PATZ1: variants seen among roughly 807,000 people sequenced by gnomAD.
PATZ1 encodes the protein POZ/BTB and AT hook containing zinc finger 1.
In PATZ1, 9 loss-of-function variants were observed where a neutral mutation model predicts 46.2. The ratio of observed to expected loss-of-function variants is 0.19; its 90% confidence interval spans 0.12 to 0.34. The LOEUF is 0.34. Among genes scored for constraint, PATZ1 ranks in the 10% least tolerant of loss-of-function variants. PATZ1 has a pLI of 1.00. For missense variants in PATZ1, 632 were observed against 923.0 expected (o/e 0.68, Z 4.08); for synonymous variants, 426 against 378.6 (o/e 1.13, Z -1.45).
intron 2 of PATZ1, chr22:31,341,543 T>A (rs1272989486): frequency 1.2e-6 from 2 of 1,614,014 alleles, no homozygotes; most frequent in Non-Finnish European, 1.7e-6. Context: ...CTGGGAATGA[T>A]TTTTTTAGAG....
In PATZ1 at chr22:31,327,368, T is replaced by A; in HGVS notation, c.1646-59A>T. 1.4e-6 allele frequency: 2 copies of A among 1,427,350 alleles called. No homozygotes were observed. Among genetic ancestry groups the A allele is most frequent in the East Asian group, 2.3e-5 (1 of 43,882 alleles). 88.4% of individuals were successfully genotyped at this position (1,427,350 alleles called of 1,614,324 possible). ...GCCAGGCTCTGGAGATGCCCCCTCC[T>A]GGAGGGGTCATGAGGGGCCAGCTCA... On this transcript the variant is annotated intron_variant, in intron 4 of 4. Coordinates refer to ENST00000266269, the MANE Select transcript of PATZ1 (RefSeq NM_014323.3). The surrounding 1 kb of genome is among the most constrained non-coding windows in gnomAD (Gnocchi z 4.2).
At chr22:31,341,498 G>GT in intron 2 of PATZ1, 2 of 1,613,894 alleles carry the variant, frequency 1.2e-6, no homozygotes, top group South Asian at 2.2e-5. Flanking sequence ...AGAAGAGAGT[G>GT]TTGCTGGAGT....
intron 1 of PATZ1, chr22:31,343,162 A>AG (rs890021698): frequency 3.8e-5 from 50 of 1,308,200 alleles, no homozygotes; most frequent in Non-Finnish European, 4.4e-5. Context: ...TTTTCTCTGG[A>AG]GGGGGGAAGA....
intron 2 of PATZ1, chr22:31,341,181 A>T: frequency 8.1e-7 from 1 of 1,240,052 alleles, no homozygotes; most frequent in South Asian, 3.6e-5. Flanking sequence ...GGAAAAGGCA[A>T]GAGAGCCCAG....
intron 2 of PATZ1, among the ~76,000 whole-genome samples, chr22:31,339,247 A>C (rs559172559): frequency 1.3e-5 from 2 of 152,336 alleles, no homozygotes; most frequent in East Asian, 3.9e-4. Flanking sequence ...TCGCCTGAGC[A>C]AACAGAATTA....
rs2049655093 is a variant in PATZ1, at chr22:31,346,098, C to G, written c.-496G>C. 1 of 153,708 alleles carries G rather than the reference C, an allele frequency of 6.5e-6. No homozygotes were observed. The highest frequency in any genetic ancestry group is 1.4e-5 in the Non-Finnish European group (1 of 69,304). 9.5% of individuals were successfully genotyped at this position (153,708 alleles called of 1,614,324 possible). On this transcript the variant is annotated 5_prime_UTR_variant, in exon 1 of 5. Transcript: ENST00000266269. The stretch of plus-strand genomic sequence containing the variant: ...GCTGCGTCCCCTGCAAAGCGCGAGC[C>G]GGGGCGGGGGCGCCGGAGCGGAGGA...
rs2049391473 is a variant in PATZ1 at position 31,328,184 on chromosome 22, CA to C, written c.1645+602del. On this transcript the variant is annotated intron_variant, in intron 4 of 4. Coordinates refer to ENST00000266269, the MANE Select transcript of PATZ1 (RefSeq NM_014323.3). The surrounding 1 kb of genome is among the most constrained non-coding windows in gnomAD (Gnocchi z 4.8). Reference sequence around the variant, plus strand: ...AAGGCAACGACAACGTGACATACCACAAAACAACCTGAATCAACAAGTGAAG... The same window carrying C: ...AAGGCAACGACAACGTGACATACCACAAACAACCTGAATCAACAAGTGAAG... Among the ~76,000 whole-genome samples, 1 of 152,228 alleles carries C rather than the reference CA, an allele frequency of 6.6e-6. No individual in the cohort carries two copies. The highest frequency in any genetic ancestry group is 1.5e-5 in the Non-Finnish European group (1 of 68,038).
Position 31,327,228 on chromosome 22 carries a change from G to A in PATZ1, c.1727C>T (p.Thr576Met), listed in dbSNP as rs761178965. ...GDLSDASDLK[T>M]PEKQSANGSF... ...GCCATTGGCACTCTGCTTCTCTGGC[G>A]TCTTCAGGTCGCTGGCATCTGAGAG... Residue 576 changes from threonine (T) to methionine (M), a missense_variant, in exon 5 of 5, where the codon ACG (threonine) becomes ATG (methionine). Physicochemically the swap from Thr to Met is moderately conservative, Grantham distance 81 (BLOSUM62 -1). Transcript: ENST00000266269. This position sits in a 1 kb window ranked among gnomAD's most constrained non-coding sequence, Gnocchi z 4.2. 4.3e-6 allele frequency: 7 copies of A among 1,614,046 alleles called. No individual in the cohort carries two copies. The highest frequency in any genetic ancestry group is 2.2e-5 in the South Asian group (2 of 91,086).
chr22:31,333,586 T>C (rs977562103), intron 3 of PATZ1, among the ~76,000 whole-genome samples: 1 of 152,022 alleles, frequency 6.6e-6, no homozygotes, highest in African/African-American at 2.4e-5. Flanking sequence ...TTTTCTCTTC[T>C]TTCTGAGTAC....
chr22:31,327,405 A>G lies in PATZ1; in HGVS notation c.1646-96T>C. 1 of 1,066,116 alleles carries G rather than the reference A, an allele frequency of 9.4e-7. No individual in the cohort carries two copies. The highest frequency in any genetic ancestry group is 1.3e-6 in the Non-Finnish European group (1 of 740,808). 66.0% of individuals were successfully genotyped at this position (1,066,116 alleles called of 1,614,324 possible). ...GAGGGGCCAGCTCACAGACCTGTGG[A>G]GGGCAGCCATTGGCCAGCCACTGCC... is the stretch of plus-strand genomic sequence containing the variant. On this transcript the variant is annotated intron_variant, in intron 4 of 4. Transcript: ENST00000266269. The surrounding 1 kb of genome is among the most constrained non-coding windows in gnomAD (Gnocchi z 4.2).
At chr22:31,337,781 C>T (rs2049529777) in intron 2 of PATZ1, 1 of 152,222 alleles carries the variant, frequency 6.6e-6, no homozygotes. Context: ...CTCTCTTTAA[C>T]AGAAGCACAT....
In PATZ1 at chr22:31,344,933, C is replaced by T. The variant is rs1476481033; in HGVS notation, c.670G>A (p.Ala224Thr). The T allele has an allele frequency of 6.2e-7, 1 of 1,613,584 alleles. No homozygotes were observed. Among genetic ancestry groups the T allele is most frequent in the Non-Finnish European group, 8.5e-7 (1 of 1,180,038 alleles). ...ACCCCAGGTAACACAGGCAAAGAGG[C>T]TTGGCCTGCAATGGCTGCACCAGCC... ...RAAGAAIAGQ[A>T]SLPVLPGVDR... Residue 224 changes from alanine to threonine, a missense_variant, in exon 1 of 5, where the codon GCC (alanine) becomes ACC (threonine). Transcript: ENST00000266269.
intron 2 of PATZ1, among the ~76,000 whole-genome samples, chr22:31,337,470 C>T (rs1394018801): frequency 6.6e-6 from 1 of 152,226 alleles, no homozygotes; most frequent in Non-Finnish European, 1.5e-5. Flanking sequence ...TACCAGTGAT[C>T]AGTCTCCTCA....
rs1360276011 is a variant in PATZ1, at chr22:31,328,396, G to A, written c.1645+391C>T. On this transcript the variant is annotated intron_variant, in intron 4 of 4. Coordinates refer to ENST00000266269, the MANE Select transcript of PATZ1 (RefSeq NM_014323.3). The surrounding 1 kb of genome is among the most constrained non-coding windows in gnomAD (Gnocchi z 4.8). ...ACCGGCCCACTGGGTCAAAAGAGGA[G>A]AAAGCATTCAGCCGCAGCTCCACAC... Among the ~76,000 whole-genome samples the A allele has an allele frequency of 6.6e-6, 1 of 152,208 alleles. No homozygotes were observed. Among genetic ancestry groups the A allele is most frequent in the Non-Finnish European group, 1.5e-5 (1 of 68,036 alleles).
At chr22:31,341,385 C>A in intron 2 of PATZ1, 1 of 1,525,986 alleles carries the variant, frequency 6.6e-7, no homozygotes, top group South Asian at 1.3e-5. Flanking sequence ...CACTGTCAAC[C>A]CTCTCCAGGG....
rs2049379458 is a variant in PATZ1, at chr22:31,327,241, T to C, written c.1714A>G (p.Ser572Gly). ...SDSYGDLSDA[S>G]DLKTPEKQSA... ...TGCTTCTCTGGCGTCTTCAGGTCGC[T>C]GGCATCTGAGAGGTCACCATAGGAG... Residue 572 changes from serine to glycine, a missense_variant, in exon 5 of 5, where the codon AGC becomes GGC. Coordinates refer to ENST00000266269, the MANE Select transcript of PATZ1 (RefSeq NM_014323.3). This position sits in a 1 kb window ranked among gnomAD's most constrained non-coding sequence, Gnocchi z 4.2. 6.2e-7 allele frequency: 1 copy of C among 1,614,072 alleles called. No homozygotes were observed. The highest frequency in any genetic ancestry group is 8.5e-7 in the Non-Finnish European group (1 of 1,180,012).
At position 31,345,550 on chromosome 22, in the gene PATZ1, T is replaced by C. The variant is rs1477347086; in HGVS notation, c.53A>G (p.Gln18Arg). 4.3e-6 allele frequency: 7 copies of C among 1,611,622 alleles called. No individual in the cohort carries two copies. Among genetic ancestry groups the C allele is most frequent in the Non-Finnish European group, 5.9e-6 (7 of 1,178,680 alleles). The change falls in exon 1 of 5, where the codon CAG becomes CGG. Residue 18 changes from glutamine to arginine, a missense_variant. By Grantham distance (43) the Gln-to-Arg change is conservative. Coordinates refer to ENST00000266269, the MANE Select transcript of PATZ1 (RefSeq NM_014323.3). The surrounding 1 kb of genome is among the most constrained non-coding windows in gnomAD (Gnocchi z 7.4). ...SCGPSGCYTYQVSRHSTEMLH... is the reference protein window; with the variant it reads ...SCGPSGCYTYRVSRHSTEMLH... ...CATCTCCGTGCTGTGTCTGCTCACC[T>C]GGTATGTGTAGCAGCCAGACGGGCC...
chr22:31,344,254 C>T (rs1382871888), intron 1 of PATZ1, 78 bp downstream of exon 1: 2 of 1,338,116 alleles, frequency 1.5e-6, no homozygotes, highest in Non-Finnish European at 2.1e-6. Flanking sequence ...ACAAATCCCA[C>T]ACCCCCAGAT....
Position 31,344,914 on chromosome 22 carries a change from G to C in PATZ1, c.689C>G (p.Pro230Arg). The C allele has an allele frequency of 3.1e-6, 5 of 1,613,480 alleles. No individual in the cohort carries two copies. Among genetic ancestry groups the C allele is most frequent in the Non-Finnish European group, 4.2e-6 (5 of 1,180,020 alleles). ...CACCATGGGCAAGCGGTCCACCCCAGGTAACACAGGCAAAGAGGCTTGGCC... is the reference window on the plus strand; with the variant it reads ...CACCATGGGCAAGCGGTCCACCCCACGTAACACAGGCAAAGAGGCTTGGCC... Reference protein sequence around the residue: ...IAGQASLPVLPGVDRLPMVAG... With the variant: ...IAGQASLPVLRGVDRLPMVAG... Residue 230 changes from proline (P) to arginine (R), a missense_variant, in exon 1 of 5, where the codon CCT becomes CGT. By Grantham distance (103) the Pro-to-Arg change is moderately radical. This residue lies in a region of PATZ1 where 279 missense variants were observed against 284.3 expected (regional missense o/e 0.98). Coordinates refer to ENST00000266269, the MANE Select transcript of PATZ1 (RefSeq NM_014323.3).
Sources: allele counts gnomAD v4.1 joint callset (sites outside exome capture counted in the v4.1 genomes callset), GRCh38; gene constraint gnomAD v4.1.1; regional missense constraint gnomAD v4.1.1; non-coding constraint Gnocchi (gnomAD v3.1); transcripts MANE v1.5; gene names NCBI Gene and HGNC (gene_info 2026-07-23, HGNC 2026-07-21).